The following GABRG3 variants were observed in gnomAD, a reference collection of about 807,000 sequenced individuals.
GABRG3 encodes gamma-aminobutyric acid receptor subunit gamma-3.
In GABRG3, 25 loss-of-function variants were observed where a neutral mutation model predicts 48.8. That is an observed-to-expected ratio of 0.51 (90% CI 0.37 to 0.72). The LOEUF (loss-of-function observed/expected upper bound fraction) is 0.72. Among genes scored for constraint, GABRG3 ranks in the 30% least tolerant of loss-of-function variants. GABRG3 has a pLI of 0.00. For missense variants in GABRG3, 394 were observed against 577.9 expected (o/e 0.68, Z 3.26); for synonymous variants, 227 against 217.6 (o/e 1.04, Z -0.38).
intron 3 of GABRG3, among the ~76,000 whole-genome samples, chr15:27,178,428 G>A (rs1159920621): frequency 1.3e-5 from 2 of 152,162 alleles, no homozygotes; most frequent in Non-Finnish European, 2.9e-5. Context: ...TTCTCCAAAC[G>A]TGATAAGTAT....
chr15:27,242,672 T>C (rs1890162821), intron 3 of GABRG3, among the ~76,000 whole-genome samples: 1 of 152,202 alleles, frequency 6.6e-6, no homozygotes, highest in African/African-American at 2.4e-5. Context: ...AGTAGGTATG[T>C]GTTAAGTCTT....
intron 5 of GABRG3, chr15:27,365,966 T>G (rs189293391): frequency 2.2e-4 from 34 of 152,334 alleles, no homozygotes; most frequent in Non-Finnish European, 4.7e-4. Flanking sequence ...TGTACAGATT[T>G]TGATTTTTCT....
intron 5 of GABRG3, among the ~76,000 whole-genome samples, chr15:27,401,565 G>GT (rs1887475693): frequency 6.6e-6 from 1 of 152,138 alleles, no homozygotes; most frequent in African/African-American, 2.4e-5. Flanking sequence ...CTCTCTTGCA[G>GT]TTATTTCGCT....
At chr15:27,315,228 A>G (rs1412198865) in intron 3 of GABRG3, among the ~76,000 whole-genome samples, 2 of 152,230 alleles carry the variant, frequency 1.3e-5, no homozygotes, top group Non-Finnish European at 2.9e-5. Context: ...TCTCTAAGTG[A>G]TAACAGATTA....
intron 6 of GABRG3, among the ~76,000 whole-genome samples, chr15:27,507,470 C>G (rs1890787768): frequency 6.6e-6 from 1 of 151,756 alleles, no homozygotes; most frequent in Non-Finnish European, 1.5e-5. Context: ...TACCACTGCA[C>G]TACAGCTTGG....
intron 3 of GABRG3, among the ~76,000 whole-genome samples, chr15:27,132,708 T>A (rs558703065): frequency 6.6e-6 from 1 of 151,628 alleles, no homozygotes; most frequent in African/African-American, 2.4e-5. Context: ...CATTTATTAG[T>A]CAGTATAGGT....
At chr15:27,434,055 G>A (rs988095669) in intron 5 of GABRG3, among the ~76,000 whole-genome samples, 17 of 152,274 alleles carry the variant, frequency 1.1e-4, no homozygotes, top group East Asian at 3.9e-4. Context: ...TGGAAAGGCC[G>A]TGATCTGACC....
intron 6 of GABRG3, among the ~76,000 whole-genome samples, chr15:27,484,185 C>T (rs1322874135): frequency 6.6e-6 from 1 of 152,220 alleles, no homozygotes; most frequent in Non-Finnish European, 1.5e-5. Context: ...GTCCACGCAT[C>T]TGGGCCTCCC....
At chr15:27,002,822 A>G (rs1895479107) in intron 2 of GABRG3, among the ~76,000 whole-genome samples, 1 of 151,392 alleles carries the variant, frequency 6.6e-6, no homozygotes. Flanking sequence ...AGAAATAGCT[A>G]GATCTGGTGG....
At chr15:27,117,752 A>T (rs937587399) in intron 3 of GABRG3, among the ~76,000 whole-genome samples, 8 of 152,188 alleles carry the variant, frequency 5.3e-5, no homozygotes, top group Non-Finnish European at 1.2e-4. Context: ...AAAATAATTT[A>T]AATAATAATG....
At chr15:27,216,779 T>TTAA (rs1889270804) in intron 3 of GABRG3, among the ~76,000 whole-genome samples, 4 of 41,470 alleles carry the variant, frequency 9.6e-5, no homozygotes, top group East Asian at 2.7e-3. Context: ...TATTTTTTAA[T>TTAA]TTTTTTTTTT....
At chr15:27,502,929 G>A (rs946999343) in intron 6 of GABRG3, among the ~76,000 whole-genome samples, 5 of 152,196 alleles carry the variant, frequency 3.3e-5, no homozygotes, top group African/African-American at 1.2e-4. Context: ...GTTCCTGCCA[G>A]CCTCCACATG....
chr15:27,102,286 G>T (rs1175107005), intron 3 of GABRG3, among the ~76,000 whole-genome samples: 3 of 152,068 alleles, frequency 2.0e-5, no homozygotes, highest in African/African-American at 7.2e-5. Context: ...AAATGAGTTT[G>T]GTTTTTGTTA....
intron 3 of GABRG3, among the ~76,000 whole-genome samples, chr15:27,221,076 C>G (rs1377513849): frequency 6.6e-6 from 1 of 151,694 alleles, no homozygotes; most frequent in Non-Finnish European, 1.5e-5. Context: ...ATTGCTCAAG[C>G]TTATAGGATT....
intron 5 of GABRG3, among the ~76,000 whole-genome samples, chr15:27,469,529 T>G (rs1037914765): frequency 6.6e-6 from 1 of 152,010 alleles, no homozygotes; most frequent in Non-Finnish European, 1.5e-5. Flanking sequence ...TTAGTAGAGA[T>G]GTGGTTTTAC....
intron 3 of GABRG3, among the ~76,000 whole-genome samples, chr15:27,325,551 C>G (rs1284081816): frequency 6.6e-6 from 1 of 152,182 alleles, no homozygotes; most frequent in Non-Finnish European, 1.5e-5. Context: ...TTTGTTTCCT[C>G]TAATTTGAAT....
At chr15:27,089,939 A>G (rs1306030090) in intron 3 of GABRG3, among the ~76,000 whole-genome samples, 1 of 152,226 alleles carries the variant, frequency 6.6e-6, no homozygotes, top group Non-Finnish European at 1.5e-5. Context: ...GTGTGTGCCC[A>G]TTCATCTGTT....
chr15:27,281,510 A>G (rs1015008980), intron 3 of GABRG3, among the ~76,000 whole-genome samples: 1 of 148,462 alleles, frequency 6.7e-6, no homozygotes, highest in Non-Finnish European at 1.5e-5. Context: ...TGATTTACCT[A>G]TAGTTTTTAG....
rs202042920 is a variant in GABRG3, at chr15:27,527,648, G to C, written c.1062+19G>C. ...AACATCGGTGAGCTGCAGTAGCAAA[G>C]GTTCTCCGGGAGGTAATGGGGGCGC... On this transcript the variant is annotated intron_variant, in intron 8 of 9. Coordinates refer to ENST00000615808, the MANE Select transcript of GABRG3 (RefSeq NM_033223.5). 1.9e-6 allele frequency: 3 copies of C among 1,585,872 alleles called. No homozygotes were observed. Among genetic ancestry groups the C allele is most frequent in the South Asian group, 1.1e-5 (1 of 87,794 alleles).
Sources: gnomAD v4.1 joint callset for allele counts (sites outside exome capture counted in the v4.1 genomes callset) on GRCh38, gnomAD v4.1.1 for gene constraint, MANE v1.5 for transcripts, NCBI Gene and HGNC (gene_info 2026-07-23, HGNC 2026-07-21) for gene names.